The following CDH4 variants were observed in gnomAD, a reference collection of about 807,000 sequenced individuals.
The protein encoded by CDH4 is cadherin-4.
Under a neutral mutation model 86.0 loss-of-function variants are expected in CDH4, and 33 were observed. That is an observed-to-expected ratio of 0.38 (90% confidence interval 0.29 to 0.51). The LOEUF is 0.51. CDH4 is among the 20% of genes least tolerant of loss of function. CDH4 has a pLI of 0.86. For missense variants in CDH4, 1,114 were observed against 1,307.4 expected, an observed-to-expected ratio of 0.85 and a Z score of 2.28; for synonymous variants, 555 against 549.4, an observed-to-expected ratio of 1.01 and a Z score of -0.14.
In CDH4 at chr20:61,936,970, G is replaced by C. The variant is rs3761222; in HGVS notation, c.*27G>C. On this transcript the variant is annotated 3_prime_UTR_variant, in exon 16 of 16. Coordinates refer to ENST00000614565, the MANE Select transcript of CDH4 (RefSeq NM_001794.5). Reference sequence around the variant, plus strand: ...TGACCTCGCATCTTCGGACCGAAGTGAGAGCCGTGCTCGGACGCCGGAGGA... The same window carrying C: ...TGACCTCGCATCTTCGGACCGAAGTCAGAGCCGTGCTCGGACGCCGGAGGA... 358,001 of 1,534,300 alleles carry C rather than the reference G, an allele frequency of 0.23. 45,073 individuals are homozygous for C. The highest frequency in any genetic ancestry group is 0.4 in the East Asian group (16,491 of 41,632).
chr20:61,451,776 G>A (rs1446699780), intron 2 of CDH4, among the ~76,000 whole-genome samples: 1 of 152,092 alleles, frequency 6.6e-6, no homozygotes, highest in Non-Finnish European at 1.5e-5. Context: ...AGGGCTCCCT[G>A]GCCGTGGTGT....
intron 8 of CDH4, 98 bp from the exon 9 acceptor site, chr20:61,910,324 T>G: frequency 9.4e-7 from 1 of 1,065,728 alleles, no homozygotes; most frequent in Non-Finnish European, 1.4e-6. Flanking sequence ...GTGTTCTGTT[T>G]GTGAACACTC....
intron 2 of CDH4, among the ~76,000 whole-genome samples, chr20:61,419,242 C>T (rs982387579): frequency 6.6e-6 from 1 of 152,144 alleles, no homozygotes. Flanking sequence ...AGAGCAGAGG[C>T]GGCCGCTTTG....
intron 2 of CDH4, among the ~76,000 whole-genome samples, chr20:61,499,241 C>T (rs1163997074): frequency 6.6e-6 from 1 of 152,234 alleles, no homozygotes; most frequent in African/African-American, 2.4e-5. Flanking sequence ...CACTCATCCT[C>T]AGCGTCAGGC....
intron 2 of CDH4, among the ~76,000 whole-genome samples, chr20:61,532,514 CAGT>C (rs1342614369): frequency 4.6e-5 from 7 of 152,172 alleles, no homozygotes; most frequent in South Asian, 4.1e-4. Context: ...CACCACCGTT[CAGT>C]AACAACAAGT....
chr20:61,396,111 G>T (rs1212636795), intron 2 of CDH4, among the ~76,000 whole-genome samples: 3 of 152,178 alleles, frequency 2.0e-5, no homozygotes, highest in Admixed American at 6.5e-5. Context: ...TGACTCTTAT[G>T]CTATGACAGC....
At chr20:61,419,741 G>A (rs1460001950) in intron 2 of CDH4, among the ~76,000 whole-genome samples, 1 of 151,844 alleles carries the variant, frequency 6.6e-6, no homozygotes, top group South Asian at 2.1e-4. Flanking sequence ...CCCTGTGTCT[G>A]GCCAATTCCA....
chr20:61,883,638 G>T (rs553494836), intron 7 of CDH4, among the ~76,000 whole-genome samples: 1 of 152,220 alleles, frequency 6.6e-6, no homozygotes, highest in Non-Finnish European at 1.5e-5. Context: ...GCTCAGGCAC[G>T]TGGCCCTCCA....
chr20:61,426,885 G>A (rs1387795417), intron 2 of CDH4, among the ~76,000 whole-genome samples: 1 of 152,196 alleles, frequency 6.6e-6, no homozygotes. Flanking sequence ...AAAAATCTTG[G>A]CTTATGGCCT....
chr20:61,304,524 T>A (rs754280863), intron 2 of CDH4, among the ~76,000 whole-genome samples: 110 of 152,062 alleles, frequency 7.2e-4, no homozygotes, highest in Non-Finnish European at 1.5e-3. Context: ...GTTTGTTGTG[T>A]TGTATATGGT....
chr20:61,348,810 G>A (rs189591537), intron 2 of CDH4, among the ~76,000 whole-genome samples: 121 of 152,262 alleles, frequency 7.9e-4, no homozygotes, highest in South Asian at 1.5e-3. Context: ...TCTGATGGCC[G>A]CCAGTAACTG....
intron 4 of CDH4, among the ~76,000 whole-genome samples, chr20:61,781,754 G>T (rs985169889): frequency 6.6e-6 from 1 of 152,186 alleles, no homozygotes; most frequent in Non-Finnish European, 1.5e-5. Flanking sequence ...CAAACTTACA[G>T]ATTCAAGAAA....
At chr20:61,374,629 G>A (rs749909285) in intron 2 of CDH4, among the ~76,000 whole-genome samples, 5 of 152,174 alleles carry the variant, frequency 3.3e-5, no homozygotes, top group African/African-American at 4.8e-5. Context: ...CCATCTGAAC[G>A]GACTCTCTCC....
intron 2 of CDH4, among the ~76,000 whole-genome samples, chr20:61,711,976 G>A (rs2087898453): frequency 6.6e-6 from 1 of 152,190 alleles, no homozygotes; most frequent in African/African-American, 2.4e-5. Flanking sequence ...CTGGGAGCCT[G>A]TGACAGACAC....
chr20:61,641,518 C>T (rs2087009745), intron 2 of CDH4, among the ~76,000 whole-genome samples: 1 of 152,252 alleles, frequency 6.6e-6, no homozygotes, highest in African/African-American at 2.4e-5. Context: ...GAATACATCC[C>T]TCACCTCAGC....
intron 9 of CDH4, among the ~76,000 whole-genome samples, chr20:61,921,396 T>G (rs2054981830): frequency 6.6e-6 from 1 of 152,258 alleles, no homozygotes; most frequent in Non-Finnish European, 1.5e-5. Context: ...GGAGTACGTT[T>G]TTTTAATTAC....
chr20:61,650,049 T>C (rs570237757), intron 2 of CDH4, among the ~76,000 whole-genome samples: 2 of 152,340 alleles, frequency 1.3e-5, no homozygotes, highest in East Asian at 3.9e-4. Context: ...ATTTCCTAAA[T>C]GGGCAGTCAG....
intron 2 of CDH4, among the ~76,000 whole-genome samples, chr20:61,305,255 G>C (rs1402108942): frequency 6.6e-6 from 1 of 152,150 alleles, no homozygotes; most frequent in Non-Finnish European, 1.5e-5. Context: ...TGGGGGCAGA[G>C]GGGGAAGAAA....
At chr20:61,467,662 C>T (rs2085480355) in intron 2 of CDH4, among the ~76,000 whole-genome samples, 1 of 152,194 alleles carries the variant, frequency 6.6e-6, no homozygotes, top group Non-Finnish European at 1.5e-5. Flanking sequence ...GAGCAGGAGA[C>T]CTTCTTATTC....
Sources: allele counts gnomAD v4.1 joint callset (sites outside exome capture counted in the v4.1 genomes callset), GRCh38; gene constraint gnomAD v4.1.1; transcripts MANE v1.5; gene names NCBI Gene and HGNC (gene_info 2026-07-23, HGNC 2026-07-21).